The following EYS variants were observed in gnomAD, a reference collection of about 807,000 sequenced individuals.
EYS encodes the protein EGF-like photoreceptor maintenance factor, also known as protein eyes shut homolog.
Under a neutral mutation model 282.1 loss-of-function variants are expected in EYS, and 250 were observed. That is an observed-to-expected ratio of 0.89 (90% CI 0.80 to 0.98). EYS has a LOEUF of 0.98. Ranked by LOEUF, EYS falls within the 50% of genes least tolerant of loss-of-function variation. The pLI is 0.00. For synonymous variants in EYS, 1,355 were observed against 1,282.9 expected (o/e 1.06, Z -1.20); for missense variants, 4,016 against 3,709.0 (o/e 1.08, Z -2.15).
rs147222640 is a variant in EYS at position 65,510,087 on chromosome 6, T to C, written c.-332-14094A>G. The stretch of plus-strand genomic sequence containing the variant: ...GCACAATGTGCAGGTTAGTTACATA[T>C]GTATACATGTGCCATGCTGGTGCGC... On this transcript the variant is annotated intron_variant, in intron 2 of 42. Transcript: ENST00000503581. 6.6e-5 allele frequency among the ~76,000 whole-genome samples: 10 copies of C among 151,326 alleles called. 1 individual carries two copies. The highest frequency in any genetic ancestry group is 5.9e-5 in the Non-Finnish European group (4 of 67,908).
intron 11 of EYS, among the ~76,000 whole-genome samples, chr6:65,315,415 C>T (rs1769272304): frequency 6.6e-6 from 1 of 152,146 alleles, no homozygotes; most frequent in Non-Finnish European, 1.5e-5. Flanking sequence ...TTTCCAGTAT[C>T]CAGAAGTCTT....
At chr6:64,570,500 A>G (rs758140675) in intron 26 of EYS, among the ~76,000 whole-genome samples, 1 of 152,202 alleles carries the variant, frequency 6.6e-6, no homozygotes, top group Non-Finnish European at 1.5e-5. Context: ...AGACTGGAAA[A>G]TTGGATAAAG....
intron 31 of EYS, among the ~76,000 whole-genome samples, chr6:64,186,248 TACACACAC>T (rs34727951): frequency 0.027 from 4,035 of 147,056 alleles, 55 homozygotes; most frequent in East Asian, 0.039. Context: ...ATGTGTGTTT[TACACACAC>T]ACACACACAC....
chr6:63,740,446 C>A (rs1769046864), intron 41 of EYS, among the ~76,000 whole-genome samples: 1 of 152,152 alleles, frequency 6.6e-6, no homozygotes, highest in African/African-American at 2.4e-5. Context: ...CTTTTTCTTC[C>A]CAGTTCCAGG....
intron 26 of EYS, among the ~76,000 whole-genome samples, chr6:64,447,338 G>T (rs1775148344): frequency 6.6e-6 from 1 of 151,988 alleles, no homozygotes; most frequent in Non-Finnish European, 1.5e-5. Flanking sequence ...ATCCATTTTA[G>T]CTCATCCCAA....
chr6:63,969,986 T>A (rs1016511793), intron 35 of EYS, among the ~76,000 whole-genome samples: 1 of 152,134 alleles, frequency 6.6e-6, no homozygotes, highest in African/African-American at 2.4e-5. Flanking sequence ...AAGTGGTGTA[T>A]GTACCCAACC....
intron 28 of EYS, among the ~76,000 whole-genome samples, chr6:64,426,232 C>A (rs1774404550): frequency 6.6e-6 from 1 of 152,204 alleles, no homozygotes; most frequent in Non-Finnish European, 1.5e-5. Context: ...CATTGTCTCA[C>A]ACTGCTTAGA....
intron 26 of EYS, among the ~76,000 whole-genome samples, chr6:64,489,658 T>C (rs1776679745): frequency 1.3e-5 from 2 of 150,174 alleles, no homozygotes; most frequent in African/African-American, 2.4e-5. Flanking sequence ...TTTAGGTACT[T>C]GTTAATGCAA....
At chr6:63,965,210 T>TCA (rs1256685325) in intron 35 of EYS, among the ~76,000 whole-genome samples, 2 of 152,210 alleles carry the variant, frequency 1.3e-5, no homozygotes, top group Admixed American at 1.3e-4. Context: ...TTACTTTGTG[T>TCA]AAGATCGATA....
At chr6:65,255,464 T>C (rs1767435532) in intron 12 of EYS, among the ~76,000 whole-genome samples, 1 of 152,026 alleles carries the variant, frequency 6.6e-6, no homozygotes, top group South Asian at 2.1e-4. Flanking sequence ...AAAGATTTAT[T>C]GAGTATTATC....
intron 19 of EYS, among the ~76,000 whole-genome samples, chr6:64,867,511 G>A (rs1766459879): frequency 6.6e-6 from 1 of 151,624 alleles, no homozygotes; most frequent in South Asian, 2.1e-4. Flanking sequence ...ATGACACATA[G>A]AGCAAAAATC....
At chr6:65,474,878 C>A (rs1054492520) in intron 5 of EYS, among the ~76,000 whole-genome samples, 2 of 151,670 alleles carry the variant, frequency 1.3e-5, no homozygotes, top group African/African-American at 4.8e-5. Context: ...TGGAAGTGAA[C>A]GACAGAGGAG....
chr6:64,843,016 A>AC (rs1765611728), intron 19 of EYS, among the ~76,000 whole-genome samples: 1 of 152,072 alleles, frequency 6.6e-6, no homozygotes, highest in Admixed American at 6.6e-5. Context: ...TCTCATGGCC[A>AC]CCCCTCTCAT....
At chr6:63,970,687 G>A (rs1469458620) in intron 35 of EYS, among the ~76,000 whole-genome samples, 1 of 151,620 alleles carries the variant, frequency 6.6e-6, no homozygotes, top group East Asian at 1.9e-4. Flanking sequence ...TGACAGAGAA[G>A]TGATGTCCTT....
At chr6:64,581,419 A>C (rs531974341) in intron 26 of EYS, among the ~76,000 whole-genome samples, 1 of 152,256 alleles carries the variant, frequency 6.6e-6, no homozygotes, top group South Asian at 2.1e-4. Context: ...GTACCGTTAC[A>C]GGTAATTAGA....
At chr6:65,583,454 T>C (rs946602102) in intron 2 of EYS, among the ~76,000 whole-genome samples, 11 of 152,094 alleles carry the variant, frequency 7.2e-5, no homozygotes, top group African/African-American at 2.4e-4. Flanking sequence ...ATGCCAAAAG[T>C]AAAACAAAAT....
chr6:64,133,228 A>AAAATGC (rs1388560748), intron 31 of EYS, among the ~76,000 whole-genome samples: 2 of 152,084 alleles, frequency 1.3e-5, no homozygotes, highest in Non-Finnish European at 2.9e-5. Context: ...TTAAATATTA[A>AAAATGC]AAATGCAATC....
intron 12 of EYS, among the ~76,000 whole-genome samples, chr6:65,188,726 G>C (rs1765569794): frequency 7.2e-6 from 1 of 138,046 alleles, no homozygotes; most frequent in African/African-American, 2.7e-5. Context: ...GAAGAAGTTA[G>C]AGTGATGCAG....
chr6:65,047,273 T>C (rs2150152548), intron 13 of EYS, among the ~76,000 whole-genome samples: 1 of 151,986 alleles, frequency 6.6e-6, no homozygotes, highest in South Asian at 2.1e-4. Flanking sequence ...CTCAAATTTC[T>C]ACCAGTAAAA....
Sources: allele counts gnomAD v4.1 joint callset (sites outside exome capture counted in the v4.1 genomes callset), GRCh38; gene constraint gnomAD v4.1.1; transcripts MANE v1.5; gene names NCBI Gene and HGNC (gene_info 2026-07-23, HGNC 2026-07-21).